Variants in MINAR1 observed in about 807,000 individuals in gnomAD.
MINAR1 encodes major intrinsically disordered Notch2-binding receptor 1.
A neutral mutation model predicts 65.1 loss-of-function variants in MINAR1; 40 were observed. The ratio of observed to expected loss-of-function variants is 0.61; its 90% CI spans 0.48 to 0.80. The LOEUF is 0.80. MINAR1 is among the 30% of genes least tolerant of loss of function. The pLI is 0.00. For synonymous variants in MINAR1, 482 were observed against 449.1 expected (o/e 1.07, Z -0.93); for missense variants, 1,128 against 1,148.0 (o/e 0.98, Z 0.25).
At chr15:79,435,271 C>T (rs113151549) in intron 1 of MINAR1, among the ~76,000 whole-genome samples, 1,801 of 137,670 alleles carry the variant, frequency 0.013, 40 homozygotes, top group African/African-American at 0.046. Flanking sequence ...AACAAAAATC[C>T]GTCTCAAAAA....
intron 3 of MINAR1, among the ~76,000 whole-genome samples, chr15:79,465,359 T>G (rs1429622971): frequency 2.6e-5 from 4 of 152,138 alleles, no homozygotes; most frequent in Non-Finnish European, 4.4e-5. Flanking sequence ...GAGATATACA[T>G]TCACCATCAG....
In MINAR1 at chr15:79,470,421, T is replaced by C. The variant is rs571268577; in HGVS notation, c.*2037T>C. The C allele has an allele frequency of 1.6e-4, 24 of 152,306 alleles. No individual in the cohort carries two copies. Among genetic ancestry groups the C allele is most frequent in the Admixed American group, 1.5e-3 (23 of 15,298 alleles). The allele number at this position is 152,306 out of a possible 1,614,324, so 9.4% of individuals were successfully genotyped here. ...AGATAGGTAGCTCCCAACCTCTTGC[T>C]CTGGATTTGCAGAAGAGGGGGAGAT... On this transcript the variant is annotated 3_prime_UTR_variant, in exon 4 of 4. Transcript: ENST00000305428.
intron 2 of MINAR1, among the ~76,000 whole-genome samples, chr15:79,462,013 C>T (rs1039197681): frequency 6.6e-6 from 1 of 152,242 alleles, no homozygotes; most frequent in Non-Finnish European, 1.5e-5. Context: ...TGTACACACA[C>T]TTTGACTCAC....
Position 79,456,614 on chromosome 15 carries a change from C to G in MINAR1, c.467C>G (p.Ser156Cys), listed in dbSNP as rs1012047271. 3 of 1,614,046 alleles carry G rather than the reference C, an allele frequency of 1.9e-6. No individual in the cohort carries two copies. The highest frequency in any genetic ancestry group is 2.5e-6 in the Non-Finnish European group (3 of 1,180,044). ...CGGGGCTACCCCATCAGGCAGTCGTCCAAGTGCCGGAAGATGGACTGCAAG... is the reference window on the plus strand; with the variant it reads ...CGGGGCTACCCCATCAGGCAGTCGTGCAAGTGCCGGAAGATGGACTGCAAG... ...FSRGYPIRQS[S>C]KCRKMDCKDC... Residue 156 changes from serine (S) to cysteine (C), a missense_variant, in exon 2 of 4, where the codon TCC (serine) becomes TGC (cysteine). Transcript: ENST00000305428.
chr15:79,458,667 G>T (rs1250588512), intron 2 of MINAR1, among the ~76,000 whole-genome samples: 2 of 152,160 alleles, frequency 1.3e-5, no homozygotes, highest in Non-Finnish European at 2.9e-5. Flanking sequence ...CACATGCTGC[G>T]ATATTGCTGA....
chr15:79,428,671 A>C (rs1458033917), upstream of MINAR1, among the ~76,000 whole-genome samples: 1 of 152,160 alleles, frequency 6.6e-6, no homozygotes, highest in Non-Finnish European at 1.5e-5. Flanking sequence ...TTTATAGATG[A>C]TAAAACTGAA....
rs185562106 is a variant in MINAR1, at chr15:79,447,665, A to G, written c.-50-8433A>G. ...TTTGCTCTTGTTTCTGCTTGCAGCC[A>G]TGGACATTAGCAGCATGGAACTGAT... On this transcript the variant is annotated intron_variant, in intron 1 of 3. Transcript: ENST00000305428. Among the ~76,000 whole-genome samples the G allele has an allele frequency of 3.2e-3, 485 of 152,160 alleles. 4 individuals are homozygous for G. The highest frequency in any genetic ancestry group is 0.011 in the African/African-American group (468 of 41,498).
chr15:79,451,729 G>A (rs534236347), intron 1 of MINAR1, among the ~76,000 whole-genome samples: 2 of 152,352 alleles, frequency 1.3e-5, no homozygotes, highest in African/African-American at 4.8e-5. Context: ...CCTGTGATTG[G>A]CCTCTCAGAG....
chr15:79,454,827 G>C (rs1895355272), intron 1 of MINAR1, among the ~76,000 whole-genome samples: 1 of 152,172 alleles, frequency 6.6e-6, no homozygotes, highest in South Asian at 2.1e-4. Context: ...GTTCTTTATA[G>C]GGTCTTCGGT....
intron 1 of MINAR1, among the ~76,000 whole-genome samples, chr15:79,434,330 C>T (rs1894534693): frequency 6.6e-6 from 1 of 152,160 alleles, no homozygotes; most frequent in African/African-American, 2.4e-5. Flanking sequence ...TGTCTTTCCA[C>T]TTTCTAAAAC....
upstream of MINAR1, among the ~76,000 whole-genome samples, chr15:79,431,514 TG>T (rs950404711): frequency 5.6e-3 from 658 of 117,038 alleles, 15 homozygotes; most frequent in African/African-American, 0.023. Context: ...TGTGTGTGTG[TG>T]GGGGGGGAGA....
Position 79,457,850 on chromosome 15 carries a change from C to A in MINAR1, c.1703C>A (p.Ala568Asp). ...CCTGAGCACAACTTAACCAAAATTG[C>A]CAATGGGGTCCCCAACAGCAAGGGA... ...SSPEHNLTKIANGVPNSKGDK... is the reference protein window; with the variant it reads ...SSPEHNLTKIDNGVPNSKGDK... Residue 568 changes from alanine to aspartate, a missense_variant, in exon 2 of 4, where the codon GCC (alanine) becomes GAC (aspartate). Physicochemically the swap from Ala to Asp is moderately radical, Grantham distance 126 (BLOSUM62 -2). Coordinates refer to ENST00000305428, the MANE Select transcript of MINAR1 (RefSeq NM_015206.3). 1 of 1,614,082 alleles carries A rather than the reference C, an allele frequency of 6.2e-7. No homozygotes were observed.
chr15:79,461,871 ACACT>A (rs1446020765), intron 2 of MINAR1, among the ~76,000 whole-genome samples: 20 of 152,154 alleles, frequency 1.3e-4, no homozygotes, highest in South Asian at 4.2e-4. Flanking sequence ...TATGATCCAC[ACACT>A]CACACACACT....
rs1348603300 is a variant in MINAR1, at chr15:79,457,966, G to A, written c.1819G>A (p.Glu607Lys). The A allele has an allele frequency of 2.5e-6, 4 of 1,613,970 alleles. No homozygotes were observed. Among genetic ancestry groups the A allele is most frequent in the Admixed American group, 1.7e-5 (1 of 60,004 alleles). ...ACTGGTGCTCAGGATTGGCGAAATT[G>A]AACGGAAGCTGGAATCCCTGTCGGG... The part of the protein sequence containing the change: ...CKLVLRIGEI[E>K]RKLESLSGVR... Residue 607 changes from glutamate (E) to lysine (K), a missense_variant, in exon 2 of 4, where the codon GAA becomes AAA. By Grantham distance (56) the Glu-to-Lys change is moderately conservative (BLOSUM62 1). Coordinates refer to ENST00000305428, the MANE Select transcript of MINAR1 (RefSeq NM_015206.3).
chr15:79,457,364 C>G lies in MINAR1; in HGVS notation c.1217C>G (p.Pro406Arg). The change falls in exon 2 of 4, where the codon CCA becomes CGA. Residue 406 changes from proline to arginine, a missense_variant. Transcript: ENST00000305428. Reference protein sequence around the residue: ...PNASSQTPNFPAPERRPTYLV... With the variant: ...PNASSQTPNFRAPERRPTYLV... ...GCCAGTAGCCAGACCCCCAATTTCC[C>G]AGCCCCAGAAAGGCGCCCAACTTAC... The G allele has an allele frequency of 1.2e-6, 2 of 1,614,202 alleles. No homozygotes were observed. Among genetic ancestry groups the G allele is most frequent in the South Asian group, 2.2e-5 (2 of 91,074 alleles).
chr15:79,442,308 TAACA>T (rs1894893248), intron 1 of MINAR1, among the ~76,000 whole-genome samples: 1 of 152,106 alleles, frequency 6.6e-6, no homozygotes, highest in Admixed American at 6.5e-5. Flanking sequence ...GTATTTTAAC[TAACA>T]AAGTAACACA....
chr15:79,452,760 A>AGTGT (rs201798116), intron 1 of MINAR1, among the ~76,000 whole-genome samples: 39,058 of 139,406 alleles, frequency 0.28, 6,013 homozygotes, highest in East Asian at 0.53. Flanking sequence ...TGTGTGGGTG[A>AGTGT]GTGAAGCTGT....
At chr15:79,448,590 T>C (rs78511371) in intron 1 of MINAR1, among the ~76,000 whole-genome samples, 173 of 152,366 alleles carry the variant, frequency 1.1e-3, no homozygotes, top group Non-Finnish European at 2.0e-3. Context: ...TCTCTTGCAG[T>C]GTGCTTTCGT....
intron 1 of MINAR1, 59 bp from the exon 2 acceptor site, chr15:79,456,039 A>G (rs1166367773): frequency 1.5e-5 from 16 of 1,046,264 alleles, no homozygotes; most frequent in Non-Finnish European, 2.2e-5. Flanking sequence ...TTGACTTCAA[A>G]CTCCACTGGT....
Sources: allele counts gnomAD v4.1 joint callset (sites outside exome capture counted in the v4.1 genomes callset), GRCh38; gene constraint gnomAD v4.1.1; transcripts MANE v1.5; gene names NCBI Gene and HGNC (gene_info 2026-07-23, HGNC 2026-07-21).